NUP88: variants seen among roughly 807,000 people sequenced by gnomAD.
NUP88 encodes nuclear pore complex protein Nup88.
NUP88 carries 57 observed loss-of-function variants against 93.9 expected under a neutral mutation model. The observed-to-expected ratio is 0.61, with a 90% CI of 0.49 to 0.76. The LOEUF (loss-of-function observed/expected upper bound fraction) is 0.76, where lower values mean the gene tolerates loss of function less well. Ranked by LOEUF, NUP88 falls within the 30% of genes least tolerant of loss-of-function variation. The pLI, the probability that NUP88 is intolerant of heterozygous loss-of-function variation, is 0.00. For missense variants in NUP88, 911 were observed against 901.0 expected, an observed-to-expected ratio of 1.01 and a Z score of -0.14; for synonymous variants, 346 against 336.8, an observed-to-expected ratio of 1.03 and a Z score of -0.30.
chr17:5,408,868 A>G lies in NUP88; in HGVS notation c.722T>C (p.Phe241Ser). ...TASLGETAVA[F>S]DFGPLAAVPK... is the part of the protein sequence containing the mutation. ...GACTGCTGCCAATGGCCCAAAGTCA[A>G]ATGCAACTGCTGTCTCTCCTAGAGA... The change falls in exon 5 of 17, where the codon TTT (phenylalanine) becomes TCT (serine). Residue 241 changes from phenylalanine to serine, a missense_variant. By Grantham distance (155) the Phe-to-Ser change is radical (BLOSUM62 -2). Coordinates refer to ENST00000573584, the MANE Select transcript of NUP88 (RefSeq NM_002532.6). The G allele has an allele frequency of 6.2e-7, 1 of 1,613,762 alleles. No homozygotes were observed. The highest frequency in any genetic ancestry group is 8.5e-7 in the Non-Finnish European group (1 of 1,179,862).
At chr17:5,395,785 T>A (rs1028775117) in intron 8 of NUP88, among the ~76,000 whole-genome samples, 1 of 152,168 alleles carries the variant, frequency 6.6e-6, no homozygotes, top group African/African-American at 2.4e-5. Context: ...CCCAAAGTGC[T>A]GGGATTACAG....
chr17:5,391,745 T>C (rs889895047), intron 9 of NUP88, 83 bp from the exon 10 acceptor site: 3 of 1,136,300 alleles, frequency 2.6e-6, no homozygotes, highest in Non-Finnish European at 3.9e-6. Context: ...TCCGCGGCCT[T>C]CTCAGGCCTG....
In NUP88 at chr17:5,386,090, C is replaced by A; in HGVS notation, c.*116G>T. On this transcript the variant is annotated 3_prime_UTR_variant, in exon 17 of 17. Coordinates refer to ENST00000573584, the MANE Select transcript of NUP88 (RefSeq NM_002532.6). ...AAACAACATATTTAAAAAGATGAACCACACCAAAGGTCATCAAAACACCTT... is the reference window on the plus strand; with the variant it reads ...AAACAACATATTTAAAAAGATGAACAACACCAAAGGTCATCAAAACACCTT... 4.4e-6 allele frequency: 3 copies of A among 685,378 alleles called. No homozygotes were observed. The highest frequency in any genetic ancestry group is 2.3e-5 in the South Asian group (1 of 42,688). 42.5% of individuals were successfully genotyped at this position (685,378 alleles called of 1,614,324 possible). A position where few individuals can be genotyped will look rare whatever the true frequency, so the allele number is the denominator to read the frequency against.
rs1912051670 is a variant in NUP88, at chr17:5,387,127, C to G, written c.1917-17G>C. ...TTTTTCATCCTTTAGAAAAGGCAAG[C>G]AAACATCTCAATTTAAGGTCTCTAC... On this transcript the variant is annotated splice_polypyrimidine_tract_variant and intron_variant, in intron 14 of 16. Transcript: ENST00000573584. The G allele has an allele frequency of 6.2e-7, 1 of 1,611,762 alleles. No homozygotes were observed. Among genetic ancestry groups the G allele is most frequent in the South Asian group, 1.1e-5 (1 of 90,608 alleles).
At chr17:5,416,739 A>C (rs766647287) in intron 1 of NUP88, 57 bp from the exon 2 acceptor site, 67 of 1,393,092 alleles carry the variant, frequency 4.8e-5, no homozygotes, top group Middle Eastern at 2.0e-4. Flanking sequence ...TATAGGTGGC[A>C]GTTACTTGAA....
At chr17:5,386,304 A>G in intron 16 of NUP88, 35 bp from the exon 17 acceptor site, 1 of 1,455,728 alleles carries the variant, frequency 6.9e-7, no homozygotes. Context: ...TTTTGGAATT[A>G]TAATAAACCA....
Position 5,413,075 on chromosome 17 carries a change from G to A in NUP88, c.593+934C>T, listed in dbSNP as rs552077112. ...AGACAGGGTTTTACTCTGTCACCCA[G>A]GCTGCAATCTTCCTACCTCAGTCTC... On this transcript the variant is annotated intron_variant, in intron 3 of 16. Transcript: ENST00000573584. Among the ~76,000 whole-genome samples the A allele has an allele frequency of 3.3e-5, 5 of 152,350 alleles. No individual in the cohort carries two copies. In the South Asian group the frequency reaches 8.3e-4, roughly 25 times the overall value.
rs559916663 is a variant in NUP88 at position 5,402,394 on chromosome 17, C to T, written c.1192+1705G>A. Among the ~76,000 whole-genome samples the T allele has an allele frequency of 9.1e-4, 138 of 152,232 alleles. 2 individuals are homozygous for T. In the South Asian group the frequency reaches 0.013, roughly 15 times the overall value. On this transcript the variant is annotated intron_variant, in intron 7 of 16. Transcript: ENST00000573584. ...ACACTTAAGATTTCCCAAAGATATA[C>T]GTATCTATATGAGGAAACCAATTAG...
intron 12 of NUP88, 44 bp downstream of exon 12, chr17:5,387,735 C>G: frequency 6.2e-7 from 1 of 1,607,064 alleles, no homozygotes; most frequent in Non-Finnish European, 8.5e-7. Context: ...ACAGCATCAG[C>G]TACCAGCCAG....
intron 13 of NUP88, 68 bp downstream of exon 13, chr17:5,387,537 C>T (rs556423689): frequency 6.3e-7 from 1 of 1,595,774 alleles, no homozygotes; most frequent in East Asian, 2.2e-5. Flanking sequence ...TGTGGCTCAG[C>T]ATCTTAGGGT....
chr17:5,387,691 A>G (rs1912116072), intron 12 of NUP88, 21 bp from the exon 13 acceptor site: 1 of 1,609,902 alleles, frequency 6.2e-7, no homozygotes, highest in Admixed American at 1.7e-5. Context: ...AAAAAGAAAT[A>G]GAGTTTATTC....
rs758376037 is a variant in NUP88 at position 5,391,566 on chromosome 17, C to T, written c.1479G>A (p.Pro493=). 47 of 1,610,276 alleles carry T rather than the reference C, an allele frequency of 2.9e-5. No homozygotes were observed. The highest frequency in any genetic ancestry group is 8.8e-5 in the South Asian group (8 of 91,006). Residue 493 remains proline, a synonymous_variant, in exon 10 of 17, where the codon CCG becomes CCA. Transcript: ENST00000573584. The stretch of plus-strand genomic sequence containing the variant: ...GAATATAAAATGGGACGTACAATAA[C>T]GGCCATATGAGGCATTCATAGGTAC... ...ITSTYECLIW[P]LLSTVHPASP...
intron 1 of NUP88, among the ~76,000 whole-genome samples, chr17:5,418,504 T>C (rs1016373950): frequency 3.3e-5 from 5 of 152,184 alleles, no homozygotes; most frequent in Admixed American, 3.3e-4. Flanking sequence ...TCCACCTGCC[T>C]CTGCCTCCCA....
chr17:5,385,378 A>G lies in NUP88; in HGVS notation c.*828T>C, dbSNP rs1911865796. On this transcript the variant is annotated 3_prime_UTR_variant, in exon 17 of 17. Transcript: ENST00000573584. ...ATTCAGTCTGTGCCTACATGTTCTC[A>G]TGCATGTCTAACCTGATTTACCTCT... 2 of 230,348 alleles carry G rather than the reference A, an allele frequency of 8.7e-6. No individual in the cohort carries two copies. The highest frequency in any genetic ancestry group is 1.7e-5 in the Non-Finnish European group (2 of 116,352). The allele number at this position is 230,348 out of a possible 1,614,324, so 14.3% of individuals were successfully genotyped here. A position where few individuals can be genotyped will look rare whatever the true frequency, so the allele number is the denominator to read the frequency against.
At chr17:5,400,843 C>G in intron 7 of NUP88, among the ~76,000 whole-genome samples, 1 of 152,156 alleles carries the variant, frequency 6.6e-6, no homozygotes. Context: ...TGTTGACTTA[C>G]AGATAGTTTC....
chr17:5,414,717 G>C (rs976015821), intron 2 of NUP88, among the ~76,000 whole-genome samples: 9 of 151,882 alleles, frequency 5.9e-5, no homozygotes, highest in Admixed American at 1.3e-4. Flanking sequence ...TCAGGAGTTT[G>C]AGACCAGCCT....
At position 5,387,297 on chromosome 17, in the gene NUP88, T is replaced by C. The variant is rs1011418687; in HGVS notation, c.1916+89A>G. On this transcript the variant is annotated intron_variant, in intron 14 of 16. Transcript: ENST00000573584. The stretch of plus-strand genomic sequence containing the variant: ...AGGCAGGGGGATCAGTTCAGTTCCG[T>C]AGGTATGTAAGCACCTGCCAATGCC... 7 of 1,298,810 alleles carry C rather than the reference T, an allele frequency of 5.4e-6. No homozygotes were observed. The African/African-American group carries it at 8.7e-5, about 16-fold the overall frequency. 80.5% of individuals were successfully genotyped at this position (1,298,810 alleles called of 1,614,324 possible).
chr17:5,414,046 G>T lies in NUP88; in HGVS notation c.556C>A (p.Pro186Thr), dbSNP rs781397711. Residue 186 changes from proline to threonine, a missense_variant, in exon 3 of 17, where the codon CCC (proline) becomes ACC (threonine). Coordinates refer to ENST00000573584, the MANE Select transcript of NUP88 (RefSeq NM_002532.6). ...AAWYPSEILDPHVVLLTSDNV... is the reference protein window; with the variant it reads ...AAWYPSEILDTHVVLLTSDNV... ...TCTGATGTTAACAGCACTACGTGGG[G>T]ATCCAGGATTTCACTTGGATACCAT... 6.2e-7 allele frequency: 1 copy of T among 1,613,650 alleles called. No homozygotes were observed. The highest frequency in any genetic ancestry group is 1.1e-5 in the South Asian group (1 of 91,080).
intron 9 of NUP88, 61 bp downstream of exon 9, chr17:5,394,830 G>C (rs1036232735): frequency 1.8e-6 from 2 of 1,128,928 alleles, no homozygotes; most frequent in Non-Finnish European, 2.7e-6. Flanking sequence ...GGATACAAAC[G>C]TATCTGAACT....
Sources: gnomAD v4.1 joint callset for allele counts (sites outside exome capture counted in the v4.1 genomes callset) on GRCh38, gnomAD v4.1.1 for gene constraint, MANE v1.5 for transcripts, NCBI Gene and HGNC (gene_info 2026-07-23, HGNC 2026-07-21) for gene names.